Variants in FALEC observed in about 807,000 individuals in gnomAD.
The protein encoded by FALEC is focally amplified lncRNA on chromosome 1.
At chr1:150,524,836 T>C in the FALEC span, among the ~76,000 whole-genome samples, 1 of 151,198 alleles carries the variant, frequency 6.6e-6, no homozygotes, top group Admixed American at 6.6e-5. Context: ...CTACAAAAAA[T>C]AAAAATAAAT....
At chr1:150,527,162 A>G in the FALEC span, among the ~76,000 whole-genome samples, 1 of 150,038 alleles carries the variant, frequency 6.7e-6, no homozygotes, top group African/African-American at 2.5e-5. Context: ...GCTGGTCTCG[A>G]ACTCCTGACC....
chr1:150,520,728 G>A (rs1022093460), downstream of FALEC, among the ~76,000 whole-genome samples: 1 of 143,764 alleles, frequency 7.0e-6, no homozygotes, highest in East Asian at 2.1e-4. Flanking sequence ...TTTTAAATAT[G>A]CATTCATGTT....
the FALEC span, among the ~76,000 whole-genome samples, chr1:150,534,145 A>G: frequency 0.082 from 12,468 of 152,120 alleles, 676 homozygotes; most frequent in Non-Finnish European, 0.12. Context: ...GCCCCACCCC[A>G]CCCCTAACCT....
the FALEC span, among the ~76,000 whole-genome samples, chr1:150,535,162 A>G: frequency 6.6e-6 from 1 of 152,184 alleles, no homozygotes; most frequent in Non-Finnish European, 1.5e-5. Flanking sequence ...GAGGCCTTCG[A>G]AATGGCTTCC....
downstream of FALEC, among the ~76,000 whole-genome samples, chr1:150,522,956 T>TAC (rs1670672784): frequency 7.9e-5 from 1 of 12,734 alleles, no homozygotes; most frequent in Non-Finnish European, 1.8e-4. Flanking sequence ...TGTGTATATA[T>TAC]ATATATATAT....
the FALEC span, among the ~76,000 whole-genome samples, chr1:150,530,122 C>T: frequency 1.3e-5 from 2 of 152,124 alleles, no homozygotes; most frequent in African/African-American, 4.8e-5. Context: ...GGTAGATGTG[C>T]AGGGGCCTGG....
At chr1:150,534,690 A>G in the FALEC span, among the ~76,000 whole-genome samples, 1 of 151,872 alleles carries the variant, frequency 6.6e-6, no homozygotes, top group Non-Finnish European at 1.5e-5. Flanking sequence ...AAAAATACAA[A>G]AATTTGCTGG....
At chr1:150,528,472 A>T in the FALEC span, among the ~76,000 whole-genome samples, 1 of 152,230 alleles carries the variant, frequency 6.6e-6, no homozygotes, top group East Asian at 1.9e-4. Flanking sequence ...CTCAGCTTTA[A>T]ATGTCATTCC....
chr1:150,533,726 C>T, the FALEC span, among the ~76,000 whole-genome samples: 18 of 151,892 alleles, frequency 1.2e-4, no homozygotes, highest in South Asian at 1.0e-3. Context: ...CATGAGCCAC[C>T]GTGCCCAGCC....
the FALEC span, among the ~76,000 whole-genome samples, chr1:150,531,336 A>C: frequency 3.3e-5 from 5 of 152,282 alleles, no homozygotes; most frequent in South Asian, 1.0e-3. Flanking sequence ...CTCTACTAAA[A>C]ATATAAAATT....
At chr1:150,529,016 C>CAAAAAAAAAAAAAAAAAAA in the FALEC span, among the ~76,000 whole-genome samples, 161 of 59,252 alleles carry the variant, frequency 2.7e-3, 7 homozygotes, top group African/African-American at 3.5e-3. Flanking sequence ...AAATAAATAG[C>CAAAAAAAAAAAAAAAAAAA]AAAAAAAAAA....
At chr1:150,522,972 TA>T (rs1560270851), downstream of FALEC, among the ~76,000 whole-genome samples, 57 of 52,498 alleles carry the variant, frequency 1.1e-3, 3 homozygotes, top group African/African-American at 3.4e-3. Context: ...TATATATATA[TA>T]TATATATATA....
downstream of FALEC, among the ~76,000 whole-genome samples, chr1:150,522,856 T>TATACACATATATATACATATATATAC (rs1462943689): frequency 8.6e-6 from 1 of 116,852 alleles, no homozygotes; most frequent in Non-Finnish European, 1.8e-5. Context: ...TCTCTCTATA[T>TATACACATATATATACATATATATAC]ATATATATAC....
chr1:150,518,386 C>T (rs6661443), downstream of FALEC, among the ~76,000 whole-genome samples: 284 of 74,350 alleles, frequency 3.8e-3, no homozygotes, highest in East Asian at 0.02. Context: ...AAGTCTCTCT[C>T]TTTTTTTTTT....
downstream of FALEC, among the ~76,000 whole-genome samples, chr1:150,521,898 CTG>C (rs1418753522): frequency 1.3e-5 from 2 of 152,176 alleles, no homozygotes; most frequent in Non-Finnish European, 2.9e-5. Flanking sequence ...TGTTTAATGA[CTG>C]GACACAAATT....
chr1:150,522,977 A>ATTTT (rs1560270892), downstream of FALEC, among the ~76,000 whole-genome samples: 3 of 24,078 alleles, frequency 1.2e-4, no homozygotes, highest in Admixed American at 5.2e-4. Context: ...ATATATATAT[A>ATTTT]TATATATTTT....
At chr1:150,521,987 G>A (rs112077810), downstream of FALEC, among the ~76,000 whole-genome samples, 24 of 152,256 alleles carry the variant, frequency 1.6e-4, no homozygotes, top group African/African-American at 4.8e-4. Flanking sequence ...GCCCACTCCC[G>A]TAATCCCAGC....
chr1:150,531,799 G>A, the FALEC span, among the ~76,000 whole-genome samples: 16 of 152,284 alleles, frequency 1.1e-4, no homozygotes, highest in Middle Eastern at 3.4e-3. Flanking sequence ...GCCCATGCAC[G>A]GGCAGCTTCC....
the FALEC span, among the ~76,000 whole-genome samples, chr1:150,533,812 C>T: frequency 6.6e-6 from 1 of 151,942 alleles, no homozygotes; most frequent in Non-Finnish European, 1.5e-5. Context: ...GTCTCTGTGA[C>T]CAAAAAAGAT....
Sources: allele counts gnomAD v4.1 joint callset (sites outside exome capture counted in the v4.1 genomes callset), GRCh38; gene constraint gnomAD v4.1.1; transcripts MANE v1.5; gene names NCBI Gene and HGNC (gene_info 2026-07-23, HGNC 2026-07-21).